Variants in LARGE1 observed in about 807,000 individuals in gnomAD.
LARGE1 encodes LARGE xylosyl- and glucuronyltransferase 1.
LARGE1 carries 43 observed loss-of-function variants against 87.6 expected under a neutral mutation model. That is an observed-to-expected ratio of 0.49 (90% CI 0.38 to 0.63). LARGE1 has a LOEUF of 0.63. LARGE1 is among the 30% of genes least tolerant of loss of function. The pLI is 0.00. For synonymous variants in LARGE1, 434 were observed against 394.6 expected (o/e 1.10, Z -1.18); for missense variants, 802 against 1,000.2 (o/e 0.80, Z 2.67).
intron 2 of LARGE1, among the ~76,000 whole-genome samples, chr22:33,711,885 TC>T (rs2082740579): frequency 6.6e-6 from 1 of 152,180 alleles, no homozygotes. Flanking sequence ...ACTCTTGAAC[TC>T]CCGGCCTCAA....
intron 1 of LARGE1, among the ~76,000 whole-genome samples, chr22:33,905,145 A>G (rs566939507): frequency 7.3e-6 from 1 of 137,614 alleles, no homozygotes; most frequent in South Asian, 2.2e-4. Context: ...GGCTCACTGT[A>G]CCCTCAACTT....
intron 7 of LARGE1, among the ~76,000 whole-genome samples, chr22:33,405,095 GTTTC>G (rs1164732897): frequency 6.6e-6 from 1 of 152,110 alleles, no homozygotes; most frequent in South Asian, 2.1e-4. Flanking sequence ...TTTTGTCTTT[GTTTC>G]TTTCTTTCTT....
At chr22:33,315,984 T>C in intron 11 of LARGE1, 101 bp downstream of exon 11, 1 of 1,339,282 alleles carries the variant, frequency 7.5e-7, no homozygotes, top group South Asian at 1.3e-5. Flanking sequence ...CCTCCAATTT[T>C]AGCAGATGCA....
At chr22:33,804,157 T>C (rs555531980) in intron 1 of LARGE1, among the ~76,000 whole-genome samples, 3 of 152,362 alleles carry the variant, frequency 2.0e-5, no homozygotes, top group South Asian at 4.1e-4. Flanking sequence ...CTGCTTAACA[T>C]AACTTTTTGG....
the LARGE1 span, chr22:33,109,248 G>A: frequency 1.3e-5 from 2 of 151,954 alleles, no homozygotes; most frequent in East Asian, 1.9e-4. Flanking sequence ...GGTTGCTAAA[G>A]TTGGGGCTTT....
At chr22:33,545,198 T>C (rs566758207) in intron 6 of LARGE1, among the ~76,000 whole-genome samples, 9 of 152,200 alleles carry the variant, frequency 5.9e-5, no homozygotes, top group South Asian at 2.1e-4. Flanking sequence ...ACTGGGAAAG[T>C]AGGTCATGTA....
At chr22:33,789,955 A>G (rs1312382580) in intron 1 of LARGE1, among the ~76,000 whole-genome samples, 1 of 151,868 alleles carries the variant, frequency 6.6e-6, no homozygotes, top group Non-Finnish European at 1.5e-5. Flanking sequence ...ACTTTGGGGG[A>G]CTGTTGGGAA....
the LARGE1 span, among the ~76,000 whole-genome samples, chr22:33,098,751 G>A: frequency 3.3e-5 from 5 of 152,218 alleles, no homozygotes; most frequent in African/African-American, 1.2e-4. Flanking sequence ...CTAACTAAAA[G>A]TGGAAAGTTC....
At chr22:33,496,946 G>C (rs2070154928) in intron 6 of LARGE1, among the ~76,000 whole-genome samples, 1 of 151,872 alleles carries the variant, frequency 6.6e-6, no homozygotes, top group African/African-American at 2.4e-5. Context: ...TTTTTGTTTG[G>C]GATCTTGTTC....
At chr22:33,887,433 T>G (rs1327954974) in intron 1 of LARGE1, among the ~76,000 whole-genome samples, 6 of 152,036 alleles carry the variant, frequency 3.9e-5, no homozygotes, top group Admixed American at 3.9e-4. Context: ...AGACCTAAAC[T>G]CGTGTTATTT....
At position 33,406,966 on chromosome 22, in the gene LARGE1, T is replaced by A. The variant is rs556295442; in HGVS notation, c.893-22662A>T. 2.0e-5 allele frequency among the ~76,000 whole-genome samples: 3 copies of A among 152,136 alleles called. No individual in the cohort carries two copies. In the South Asian group the frequency reaches 6.2e-4, roughly 32 times the overall value. ...CGCCACCACGCCCAGCAAATTTTTA[T>A]ATTTTTAGCAGAGACGGGGTTTCAC... On this transcript the variant is annotated intron_variant, in intron 7 of 14. Transcript: ENST00000397394.
chr22:33,455,364 T>C (rs956054563), intron 6 of LARGE1, among the ~76,000 whole-genome samples: 7 of 152,184 alleles, frequency 4.6e-5, no homozygotes, highest in African/African-American at 1.2e-4. Flanking sequence ...GTTCTTACCA[T>C]TGAGAACTCT....
chr22:33,637,763 T>C (rs183772398), intron 3 of LARGE1, among the ~76,000 whole-genome samples: 1 of 152,320 alleles, frequency 6.6e-6, no homozygotes, highest in Admixed American at 6.5e-5. Flanking sequence ...ACCCCTGATG[T>C]CATCTTAATT....
At chr22:33,653,199 G>A (rs1468708537) in intron 2 of LARGE1, among the ~76,000 whole-genome samples, 1 of 152,166 alleles carries the variant, frequency 6.6e-6, no homozygotes. Context: ...TCTGCACCAC[G>A]CTAGGTGGTT....
At chr22:33,770,626 G>T (rs768350622) in intron 1 of LARGE1, among the ~76,000 whole-genome samples, 1 of 152,074 alleles carries the variant, frequency 6.6e-6, no homozygotes, top group Non-Finnish European at 1.5e-5. Flanking sequence ...TGAGGCTGCA[G>T]TGAACTAAAA....
chr22:33,310,078 AC>A (rs975675618), intron 11 of LARGE1, among the ~76,000 whole-genome samples: 1 of 151,846 alleles, frequency 6.6e-6, no homozygotes, highest in Non-Finnish European at 1.5e-5. Context: ...GCTTCTTAAG[AC>A]CCCTATTTCC....
chr22:33,069,101 G>T, the LARGE1 span, among the ~76,000 whole-genome samples: 2 of 152,076 alleles, frequency 1.3e-5, no homozygotes, highest in East Asian at 1.9e-4. Flanking sequence ...ATACCTCATC[G>T]CCATCATTTC....
chr22:33,821,185 A>G (rs1281455968), intron 1 of LARGE1, among the ~76,000 whole-genome samples: 1 of 152,180 alleles, frequency 6.6e-6, no homozygotes, highest in Non-Finnish European at 1.5e-5. Flanking sequence ...AGAGGGCATT[A>G]GGAGAATCCC....
At chr22:33,120,338 T>TTTC in the LARGE1 span, among the ~76,000 whole-genome samples, 10 of 146,764 alleles carry the variant, frequency 6.8e-5, no homozygotes, top group African/African-American at 2.3e-4. Context: ...TCTTTCTTTC[T>TTTC]TTTTCTTTCT....
Sources: gnomAD v4.1 joint callset for allele counts (sites outside exome capture counted in the v4.1 genomes callset) on GRCh38, gnomAD v4.1.1 for gene constraint, MANE v1.5 for transcripts, NCBI Gene and HGNC (gene_info 2026-07-23, HGNC 2026-07-21) for gene names.